The following OSBPL2 variants were observed in gnomAD, a reference collection of about 807,000 sequenced individuals.
The protein encoded by OSBPL2 is oxysterol-binding protein-related protein 2.
OSBPL2 carries 18 observed loss-of-function variants against 58.4 expected under a neutral mutation model. The ratio of observed to expected loss-of-function variants is 0.31; its 90% CI spans 0.21 to 0.46. The LOEUF is 0.46. OSBPL2 is among the 20% of genes least tolerant of loss of function. OSBPL2 has a pLI of 1.00. For missense variants in OSBPL2, 461 were observed against 616.5 expected (o/e 0.75, Z 2.67); for synonymous variants, 221 against 234.1 (o/e 0.94, Z 0.51).
intron 4 of OSBPL2, among the ~76,000 whole-genome samples, chr20:62,271,364 C>G (rs1393422852): frequency 6.6e-6 from 1 of 152,208 alleles, no homozygotes; most frequent in Non-Finnish European, 1.5e-5. Context: ...CCTCATTTGC[C>G]AGGTTCAGGT....
At position 62,269,158 on chromosome 20, in the gene OSBPL2, C is replaced by T. The variant is rs1408861038; in HGVS notation, c.259-2967C>T. On this transcript the variant is annotated intron_variant, in intron 4 of 13. Coordinates refer to ENST00000313733, the MANE Select transcript of OSBPL2 (RefSeq NM_144498.4). The surrounding 1 kb of genome is among the most constrained non-coding windows in gnomAD (Gnocchi z 4.2). The stretch of plus-strand genomic sequence containing the variant: ...TTAAGTGATCCTCCCCGCCTTGGCC[C>T]TGCAAAGTGTTGGAATTACAGGCGT... 1.3e-5 allele frequency among the ~76,000 whole-genome samples: 2 copies of T among 152,154 alleles called. No individual in the cohort carries two copies. The highest frequency in any genetic ancestry group is 2.9e-5 in the Non-Finnish European group (2 of 68,032).
At chr20:62,258,050 C>G (rs1217174859) in intron 2 of OSBPL2, among the ~76,000 whole-genome samples, 1 of 152,138 alleles carries the variant, frequency 6.6e-6, no homozygotes, top group African/African-American at 2.4e-5. Flanking sequence ...GCTGTGACTT[C>G]CCAGGGTTCC....
At chr20:62,239,477 T>C (rs895422507) in intron 1 of OSBPL2, among the ~76,000 whole-genome samples, 1 of 152,008 alleles carries the variant, frequency 6.6e-6, no homozygotes, top group Non-Finnish European at 1.5e-5. Context: ...GGGGTGAGGG[T>C]CACCTCCCAG....
chr20:62,260,745 T>C (rs1472328297), intron 3 of OSBPL2, among the ~76,000 whole-genome samples: 2 of 152,046 alleles, frequency 1.3e-5, no homozygotes, highest in East Asian at 1.9e-4. Context: ...CCCAGCACTT[T>C]GGGAGGCTGA....
chr20:62,289,182 C>G, intron 11 of OSBPL2, 25 bp from the exon 12 acceptor site: 2 of 1,612,464 alleles, frequency 1.2e-6, no homozygotes, highest in Non-Finnish European at 1.7e-6. Context: ...CTGCTGAGGT[C>G]GTGTCTCTGT....
intron 1 of OSBPL2, among the ~76,000 whole-genome samples, chr20:62,252,404 C>T (rs1039731013): frequency 6.6e-6 from 1 of 152,144 alleles, no homozygotes; most frequent in African/African-American, 2.4e-5. Context: ...TTGCTAACTG[C>T]ACCCCCACGT....
chr20:62,250,926 AAAATAAATAAAT>A (rs545446686), intron 1 of OSBPL2, among the ~76,000 whole-genome samples: 1 of 152,120 alleles, frequency 6.6e-6, no homozygotes, highest in Non-Finnish European at 1.5e-5. Context: ...CCTGTCTCCA[AAAATAAATAAAT>A]AAATAAATAA....
At chr20:62,258,978 C>G (rs925754539) in intron 2 of OSBPL2, 4 of 152,234 alleles carry the variant, frequency 2.6e-5, no homozygotes, top group Non-Finnish European at 4.4e-5. Context: ...ATGGACTCTG[C>G]TGTGTGGAGG....
chr20:62,246,208 A>G (rs1980105052), intron 1 of OSBPL2, among the ~76,000 whole-genome samples: 1 of 152,236 alleles, frequency 6.6e-6, no homozygotes, highest in African/African-American at 2.4e-5. Flanking sequence ...ATGATGGCTC[A>G]GCCCCATGGG....
chr20:62,243,821 A>C (rs1979902094), intron 1 of OSBPL2, among the ~76,000 whole-genome samples: 1 of 148,958 alleles, frequency 6.7e-6, no homozygotes, highest in East Asian at 2.0e-4. Context: ...ATGAACGAAA[A>C]ATTTTTTTTC....
At chr20:62,267,057 C>T (rs1291482407) in intron 4 of OSBPL2, among the ~76,000 whole-genome samples, 1 of 152,174 alleles carries the variant, frequency 6.6e-6, no homozygotes, top group Non-Finnish European at 1.5e-5. Context: ...CAGAACCAGC[C>T]CGGGCAACAA....
At chr20:62,245,999 G>A (rs1044152378) in intron 1 of OSBPL2, among the ~76,000 whole-genome samples, 4 of 152,236 alleles carry the variant, frequency 2.6e-5, no homozygotes, top group Non-Finnish European at 5.9e-5. Context: ...GCCTGGCGGT[G>A]TCCTTGACGG....
At chr20:62,289,428 C>G (rs1983347245) in intron 12 of OSBPL2, 98 bp downstream of exon 12, 1 of 1,413,276 alleles carries the variant, frequency 7.1e-7, no homozygotes, top group East Asian at 2.5e-5. Flanking sequence ...CAGGCTCTCG[C>G]CTACAAGGGG....
intron 6 of OSBPL2, among the ~76,000 whole-genome samples, chr20:62,273,737 C>T (rs1039235724): frequency 1.3e-5 from 2 of 152,108 alleles, no homozygotes; most frequent in East Asian, 1.9e-4. Context: ...TGAGCTTCAC[C>T]GAAAATGGAA....
intron 10 of OSBPL2, chr20:62,286,244 T>G: frequency 5.3e-6 from 1 of 187,382 alleles, no homozygotes; most frequent in South Asian, 9.7e-5. Context: ...AGGTCAGGAT[T>G]TCAAGACCAG....
intron 10 of OSBPL2, chr20:62,286,358 G>A (rs966074226): frequency 2.4e-4 from 105 of 429,754 alleles, no homozygotes; most frequent in Non-Finnish European, 4.3e-4. Flanking sequence ...GCTGAGGCAG[G>A]AGAATCTCTT....
intron 8 of OSBPL2, chr20:62,281,516 C>G (rs1479990747): frequency 2.0e-6 from 1 of 500,926 alleles, no homozygotes; most frequent in East Asian, 3.2e-5. Flanking sequence ...GTGGGCTTTG[C>G]CTTTTCACCA....
chr20:62,290,762 G>A (rs1162021446), intron 12 of OSBPL2, among the ~76,000 whole-genome samples: 1 of 142,004 alleles, frequency 7.0e-6, no homozygotes, highest in Admixed American at 7.2e-5. Flanking sequence ...TTTTGAGACA[G>A]AGTTTCACAC....
chr20:62,268,148 C>T (rs145326022), intron 4 of OSBPL2, among the ~76,000 whole-genome samples: 27,372 of 150,490 alleles, frequency 0.18, 3,066 homozygotes, highest in Middle Eastern at 0.27. Context: ...CCGCCCACCT[C>T]GGCCTCCCAA....
Sources: gnomAD v4.1 joint callset for allele counts (sites outside exome capture counted in the v4.1 genomes callset) on GRCh38, gnomAD v4.1.1 for gene constraint, Gnocchi (gnomAD v3.1) non-coding constraint, MANE v1.5 for transcripts, NCBI Gene and HGNC (gene_info 2026-07-23, HGNC 2026-07-21) for gene names.